Variants in ANKDD1A observed in about 807,000 individuals in gnomAD.
ANKDD1A encodes ankyrin repeat and death domain containing 1A.
Under a neutral mutation model 63.5 loss-of-function variants are expected in ANKDD1A, and 59 were observed. The ratio of observed to expected loss-of-function variants is 0.93; its 90% CI spans 0.75 to 1.15. ANKDD1A has a LOEUF of 1.15. Among genes scored for constraint, ANKDD1A ranks in the 50% most tolerant of loss-of-function variants. The pLI is 0.00. For missense variants in ANKDD1A, 632 were observed against 656.4 expected, an observed-to-expected ratio of 0.96 and a Z score of 0.41; for synonymous variants, 266 against 263.9, an observed-to-expected ratio of 1.01 and a Z score of -0.08.
At chr15:64,943,235 T>C (rs2085198204) in intron 10 of ANKDD1A, 1 of 474,622 alleles carries the variant, frequency 2.1e-6, no homozygotes, top group Non-Finnish European at 3.8e-6. Context: ...TAGGCTAGTA[T>C]GGAGTTATCA....
chr15:64,942,864 C>T (rs182343327), intron 10 of ANKDD1A, among the ~76,000 whole-genome samples: 10 of 152,186 alleles, frequency 6.6e-5, no homozygotes, highest in Non-Finnish European at 1.5e-4. Context: ...AGGGAACATT[C>T]CCAGGGCAGG....
chr15:64,922,250 C>A (rs889246179), intron 4 of ANKDD1A: 2 of 531,878 alleles, frequency 3.8e-6, no homozygotes, highest in African/African-American at 1.9e-5. Flanking sequence ...CAAAGTAACT[C>A]CCTCAGAGGG....
chr15:64,925,302 A>G (rs1194084174), intron 4 of ANKDD1A, among the ~76,000 whole-genome samples: 1 of 151,898 alleles, frequency 6.6e-6, no homozygotes, highest in African/African-American at 2.4e-5. Flanking sequence ...CACTGTCAAG[A>G]TGTAAAACAC....
intron 14 of ANKDD1A, among the ~76,000 whole-genome samples, chr15:64,953,630 C>CTTA (rs1467278506): frequency 1.4e-4 from 3 of 20,720 alleles, no homozygotes; most frequent in African/African-American, 2.8e-4. Context: ...TCTTCTTCTT[C>CTTA]CTTCTTCTTC....
chr15:64,916,116 A>G (rs190721100), intron 2 of ANKDD1A, among the ~76,000 whole-genome samples: 95 of 152,302 alleles, frequency 6.2e-4, no homozygotes, highest in African/African-American at 2.2e-3. Context: ...CAGGATGTCA[A>G]GCCAGGCTTG....
At chr15:64,953,933 C>T (rs1445821580) in intron 14 of ANKDD1A, among the ~76,000 whole-genome samples, 885 of 12,350 alleles carry the variant, frequency 0.072, 9 homozygotes, top group Middle Eastern at 0.17. Flanking sequence ...TTTCTTTTTT[C>T]TTTTCTTCCT....
At position 64,917,372 on chromosome 15, in the gene ANKDD1A, C is replaced by T; in HGVS notation, c.139-14C>T. Reference sequence around the variant, plus strand: ...GGCAGCAGCACCTGACAAGTGTCATCTCCCTCCGGGCAGGTGGGCAGGGTG... The same window carrying T: ...GGCAGCAGCACCTGACAAGTGTCATTTCCCTCCGGGCAGGTGGGCAGGGTG... On this transcript the variant is annotated splice_polypyrimidine_tract_variant and intron_variant, in intron 2 of 14. Transcript: ENST00000319580. 1 of 1,594,688 alleles carries T rather than the reference C, an allele frequency of 6.3e-7. No individual in the cohort carries two copies. The highest frequency in any genetic ancestry group is 8.6e-7 in the Non-Finnish European group (1 of 1,168,674).
chr15:64,915,347 C>G (rs1252431858), intron 1 of ANKDD1A, among the ~76,000 whole-genome samples: 1 of 152,168 alleles, frequency 6.6e-6, no homozygotes, highest in Non-Finnish European at 1.5e-5. Flanking sequence ...GTGGGGTAAA[C>G]ATGCCTCTGG....
Position 64,930,809 on chromosome 15 carries a change from C to A in ANKDD1A, c.571-13C>A. ...CTGGTCTGCTGGCCTCTCAGGAGCCCTTTTTCCTGCAGGAGGGGAACACTG... is the reference window on the plus strand; with the variant it reads ...CTGGTCTGCTGGCCTCTCAGGAGCCATTTTTCCTGCAGGAGGGGAACACTG... On this transcript the variant is annotated splice_polypyrimidine_tract_variant and intron_variant, in intron 6 of 14. Coordinates refer to ENST00000319580, the MANE Select transcript of ANKDD1A (RefSeq NM_182703.6). The A allele has an allele frequency of 6.2e-7, 1 of 1,609,982 alleles. No homozygotes were observed. Among genetic ancestry groups the A allele is most frequent in the Non-Finnish European group, 8.5e-7 (1 of 1,179,088 alleles).
At position 64,943,496 on chromosome 15, in the gene ANKDD1A, C is replaced by A; in HGVS notation, c.979C>A (p.Pro327Thr). 1 of 1,614,196 alleles carries A rather than the reference C, an allele frequency of 6.2e-7. No homozygotes were observed. The highest frequency in any genetic ancestry group is 8.5e-7 in the Non-Finnish European group (1 of 1,180,024). The change falls in exon 11 of 15, where the codon CCC becomes ACC. Residue 327 changes from proline (P) to threonine (T), a missense_variant. By Grantham distance (38) the Pro-to-Thr change is conservative. Coordinates refer to ENST00000319580, the MANE Select transcript of ANKDD1A (RefSeq NM_182703.6). ...VNAVDNRQQT[P>T]LHLAAEHAWQ... is the part of the protein sequence containing the mutation. ...GCTTCTCCCCTAGAGGCAGCAGACG[C>A]CCCTTCACCTGGCTGCAGAGCACGC...
chr15:64,937,912 A>T (rs2085148199), intron 9 of ANKDD1A, among the ~76,000 whole-genome samples: 1 of 152,216 alleles, frequency 6.6e-6, no homozygotes, highest in Non-Finnish European at 1.5e-5. Flanking sequence ...ATACTAATAC[A>T]TAGGGTGAGT....
intron 6 of ANKDD1A, among the ~76,000 whole-genome samples, chr15:64,928,676 G>C (rs571366282): frequency 2.4e-4 from 37 of 152,332 alleles, no homozygotes; most frequent in Non-Finnish European, 4.9e-4. Flanking sequence ...GGCTTTGAGA[G>C]TCCAGAGAGA....
chr15:64,957,062 T>C (rs1251634948), intron 14 of ANKDD1A, 41 bp from the exon 15 acceptor site: 9 of 449,336 alleles, frequency 2.0e-5, no homozygotes, highest in Non-Finnish European at 3.6e-5. Context: ...GTGATAATTG[T>C]TTTGTTTTGT....
chr15:64,949,518 C>T (rs985094852), intron 13 of ANKDD1A, among the ~76,000 whole-genome samples: 8 of 152,166 alleles, frequency 5.3e-5, no homozygotes, highest in African/African-American at 7.2e-5. Flanking sequence ...GGTACCACAA[C>T]GATGAAAGTC....
intron 9 of ANKDD1A, among the ~76,000 whole-genome samples, chr15:64,936,593 C>G (rs2085134701): frequency 6.6e-6 from 1 of 152,126 alleles, no homozygotes; most frequent in South Asian, 2.1e-4. Flanking sequence ...AATCCCAACA[C>G]TTTGGAAGGC....
intron 13 of ANKDD1A, among the ~76,000 whole-genome samples, chr15:64,949,462 T>C (rs1157147539): frequency 2.0e-5 from 3 of 152,186 alleles, no homozygotes; most frequent in Non-Finnish European, 2.9e-5. Context: ...AAGACACAGA[T>C]TATTTTGAGC....
chr15:64,917,902 A>G (rs2084982036), intron 3 of ANKDD1A, among the ~76,000 whole-genome samples: 2 of 152,246 alleles, frequency 1.3e-5, no homozygotes, highest in South Asian at 4.1e-4. Flanking sequence ...AGTCTTGGAT[A>G]AAGACTAATA....
intron 14 of ANKDD1A, among the ~76,000 whole-genome samples, chr15:64,956,518 A>C (rs913637403): frequency 1.3e-4 from 20 of 151,938 alleles, no homozygotes; most frequent in South Asian, 6.2e-4. Context: ...GTGCCACTGC[A>C]CTCCAGCCTG....
intron 7 of ANKDD1A, 130 bp downstream of exon 7, chr15:64,931,050 C>T: frequency 1.1e-6 from 1 of 920,428 alleles, no homozygotes; most frequent in Non-Finnish European, 1.6e-6. Context: ...TGAGAGCCCA[C>T]CAGGGAAAGA....
Sources: gnomAD v4.1 joint callset for allele counts (sites outside exome capture counted in the v4.1 genomes callset) on GRCh38, gnomAD v4.1.1 for gene constraint, MANE v1.5 for transcripts, NCBI Gene and HGNC (gene_info 2026-07-23, HGNC 2026-07-21) for gene names.